Variants in PARD3 observed in about 807,000 individuals in gnomAD.
The protein encoded by PARD3 is par-3 family cell polarity regulator, also known as partitioning defective 3 homolog.
Under a neutral mutation model 155.4 loss-of-function variants are expected in PARD3, and 75 were observed. The ratio of observed to expected loss-of-function variants is 0.48; its 90% CI spans 0.40 to 0.58. The LOEUF (loss-of-function observed/expected upper bound fraction) is 0.58. PARD3 is among the 20% of genes least tolerant of loss of function. PARD3 has a pLI of 0.00. For synonymous variants in PARD3, 576 were observed against 610.5 expected (o/e 0.94, Z 0.83); for missense variants, 1,642 against 1,721.7 (o/e 0.95, Z 0.82).
At chr10:34,504,799 C>A (rs2080951781) in intron 3 of PARD3, among the ~76,000 whole-genome samples, 1 of 152,132 alleles carries the variant, frequency 6.6e-6, no homozygotes, top group Non-Finnish European at 1.5e-5. Context: ...CAGGCAGGAG[C>A]AAACAGAACT....
At position 34,789,952 on chromosome 10, in the gene PARD3, T is replaced by C. The variant is rs948334788; in HGVS notation, c.120+24924A>G. 2.4e-4 allele frequency among the ~76,000 whole-genome samples: 37 copies of C among 152,184 alleles called. 1 individual carries two copies. Among genetic ancestry groups the C allele is most frequent in the South Asian group, 1.0e-3 (5 of 4,836 alleles). ...CATCCAGTATGCTTGCTCAAACCAG[T>C]GTCTCCATGGCAGAATCCTGAGCTC... On this transcript the variant is annotated intron_variant, in intron 1 of 24. Coordinates refer to ENST00000374788, the MANE Select transcript of PARD3 (RefSeq NM_001184785.2).
At chr10:34,445,392 G>A (rs1268177646) in intron 5 of PARD3, among the ~76,000 whole-genome samples, 1 of 152,112 alleles carries the variant, frequency 6.6e-6, no homozygotes, top group Non-Finnish European at 1.5e-5. Flanking sequence ...CAATTATTCT[G>A]CTGGATGTGA....
chr10:34,177,524 G>GA (rs1230956272), intron 22 of PARD3, among the ~76,000 whole-genome samples: 7 of 152,098 alleles, frequency 4.6e-5, no homozygotes, highest in African/African-American at 1.7e-4. Context: ...TTAAGAAGAA[G>GA]AAAAAAAGTC....
chr10:34,762,541 TCAAG>T (rs1345083401), intron 1 of PARD3, among the ~76,000 whole-genome samples: 1 of 142,234 alleles, frequency 7.0e-6, no homozygotes, highest in Non-Finnish European at 1.5e-5. Context: ...ACTCCCGGAC[TCAAG>T]CAATCCTCCA....
At chr10:34,719,309 GA>G (rs966646674) in intron 1 of PARD3, among the ~76,000 whole-genome samples, 12 of 151,970 alleles carry the variant, frequency 7.9e-5, no homozygotes, top group African/African-American at 2.7e-4. Context: ...GGTTTCAAGG[GA>G]AAAAAAGCAT....
intron 1 of PARD3, among the ~76,000 whole-genome samples, chr10:34,697,484 G>A (rs1407519796): frequency 1.3e-5 from 2 of 152,140 alleles, no homozygotes; most frequent in Non-Finnish European, 2.9e-5. Context: ...GAGCAGGGGT[G>A]CGGGGAGAAT....
At chr10:34,718,761 G>C (rs969622568) in intron 1 of PARD3, among the ~76,000 whole-genome samples, 1 of 152,084 alleles carries the variant, frequency 6.6e-6, no homozygotes, top group Non-Finnish European at 1.5e-5. Flanking sequence ...TCAGGAGTTC[G>C]AGACCAGCCT....
In PARD3 at chr10:34,369,316, G is replaced by GTTTATTTA. The variant is rs200089677; in HGVS notation, c.1707+3174_1707+3181dup. ...ATTTTTGTGATTTATTTATTTATTT[G>GTTTATTTA]TTTATTTATTTATTTATTTATTTAT... On this transcript the variant is annotated intron_variant, in intron 12 of 24. Coordinates refer to ENST00000374788, the MANE Select transcript of PARD3 (RefSeq NM_001184785.2). Among the ~76,000 whole-genome samples, 103 of 56,196 alleles carry GTTTATTTA rather than the reference G, an allele frequency of 1.8e-3. No homozygotes were observed. The East Asian group carries it at 0.033, about 18-fold the overall frequency. The allele number at this position is 56,196 out of a possible 152,430, so 36.9% of individuals were successfully genotyped here. A position where few individuals can be genotyped will look rare whatever the true frequency, so the allele number is the denominator to read the frequency against.
intron 1 of PARD3, among the ~76,000 whole-genome samples, chr10:34,702,809 C>T (rs1220060078): frequency 3.3e-5 from 5 of 152,150 alleles, no homozygotes; most frequent in African/African-American, 9.7e-5. Context: ...ACTCAGTGCT[C>T]TCAAGTTACC....
intron 3 of PARD3, among the ~76,000 whole-genome samples, chr10:34,507,549 A>AAAAAAAAAAAAAAAAAAAAAAAAAC (rs1564790855): frequency 1.9e-5 from 2 of 107,806 alleles, no homozygotes; most frequent in African/African-American, 8.1e-5. Flanking sequence ...TTAAAAAAAC[A>AAAAAAAAAAAAAAAAAAAAAAAAAC]AAAAAAAAAA....
chr10:34,247,844 TA>T (rs1249607355), intron 22 of PARD3, among the ~76,000 whole-genome samples: 1 of 152,226 alleles, frequency 6.6e-6, no homozygotes, highest in Non-Finnish European at 1.5e-5. Context: ...CATCTTCCTT[TA>T]AACCTTAACT....
intron 2 of PARD3, among the ~76,000 whole-genome samples, chr10:34,660,898 A>T (rs2093307721): frequency 6.6e-6 from 1 of 152,214 alleles, no homozygotes; most frequent in South Asian, 2.1e-4. Flanking sequence ...ATAATTTTTT[A>T]AATTTTTTTT....
chr10:34,282,654 T>C (rs181718428), intron 21 of PARD3, among the ~76,000 whole-genome samples: 97 of 152,224 alleles, frequency 6.4e-4, no homozygotes, highest in South Asian at 5.0e-3. Flanking sequence ...AGGGGAGGTA[T>C]AATGTTTCTG....
intron 22 of PARD3, among the ~76,000 whole-genome samples, chr10:34,171,701 CA>C (rs1949801211): frequency 6.6e-6 from 1 of 151,870 alleles, no homozygotes; most frequent in African/African-American, 2.4e-5. Flanking sequence ...GTAATCCCAG[CA>C]CTTTGGGAGG....
At chr10:34,810,165 G>C (rs1158629104) in intron 1 of PARD3, among the ~76,000 whole-genome samples, 1 of 152,094 alleles carries the variant, frequency 6.6e-6, no homozygotes, top group Non-Finnish European at 1.5e-5. Flanking sequence ...GAAACTTACT[G>C]AGCACCCACA....
At chr10:34,366,806 T>C (rs1187876695) in intron 12 of PARD3, among the ~76,000 whole-genome samples, 12 of 152,130 alleles carry the variant, frequency 7.9e-5, no homozygotes, top group Admixed American at 7.9e-4. Flanking sequence ...AATAAAAGAA[T>C]AACCCTCCAA....
intron 1 of PARD3, among the ~76,000 whole-genome samples, chr10:34,769,564 T>C (rs1169381283): frequency 2.6e-5 from 4 of 151,868 alleles, no homozygotes; most frequent in Non-Finnish European, 5.9e-5. Flanking sequence ...GACACCAGCT[T>C]GGGCAACACG....
intron 3 of PARD3, among the ~76,000 whole-genome samples, chr10:34,477,013 A>C (rs975745893): frequency 9.8e-5 from 15 of 152,374 alleles, no homozygotes; most frequent in African/African-American, 3.6e-4. Context: ...CCTGACTAAT[A>C]TAACATTGCA....
chr10:34,569,935 ATT>A (rs1240601620), intron 2 of PARD3, among the ~76,000 whole-genome samples: 1 of 151,562 alleles, frequency 6.6e-6, no homozygotes, highest in Non-Finnish European at 1.5e-5. Context: ...AATATTTCTC[ATT>A]TTGTTATTAA....
Sources: allele counts gnomAD v4.1 joint callset (sites outside exome capture counted in the v4.1 genomes callset), GRCh38; gene constraint gnomAD v4.1.1; transcripts MANE v1.5; gene names NCBI Gene and HGNC (gene_info 2026-07-23, HGNC 2026-07-21).